Variants in BCL2L12 observed in about 807,000 individuals in gnomAD.
BCL2L12 encodes the protein bcl-2-like protein 12.
A neutral mutation model predicts 25.7 loss-of-function variants in BCL2L12; 27 were observed. The ratio of observed to expected loss-of-function variants is 1.05; its 90% CI spans 0.78 to 1.45. The LOEUF is 1.45. Ranked by LOEUF, BCL2L12 falls within the 40% of genes most tolerant of loss-of-function variation. The pLI is 0.00. For synonymous variants in BCL2L12, 132 were observed against 145.6 expected (o/e 0.91, Z 0.67); for missense variants, 302 against 329.8 (o/e 0.92, Z 0.65).
chr19:49,665,580 G>T, upstream of BCL2L12: 2 of 513,296 alleles, frequency 3.9e-6, no homozygotes, highest in South Asian at 2.5e-5. Flanking sequence ...CCTCTTTCCC[G>T]CTCCTCGCTC....
In BCL2L12 at chr19:49,672,545, G is replaced by A. The variant is rs189921358; in HGVS notation, c.703-1153G>A. Among the ~76,000 whole-genome samples the A allele has an allele frequency of 6.6e-6, 1 of 152,230 alleles. No individual in the cohort carries two copies. The highest frequency in any genetic ancestry group is 1.5e-5 in the Non-Finnish European group (1 of 68,048). ...TGCCTGGGGACAGACTGCTGGGGGC[G>A]AGGGCAGAAGTAGGGGCACAGGGAG... On this transcript the variant is annotated intron_variant, in intron 6 of 6. Transcript: ENST00000246784. This position sits in a 1 kb window ranked among gnomAD's most constrained non-coding sequence, Gnocchi z 4.1.
intron 3 of BCL2L12, among the ~76,000 whole-genome samples, chr19:49,667,369 TC>T (rs2081832181): frequency 6.6e-6 from 1 of 152,164 alleles, no homozygotes; most frequent in Admixed American, 6.5e-5. Flanking sequence ...GGTTGTTGTC[TC>T]TTTCCTTCCA....
chr19:49,667,981 C>T (rs1372158387), intron 3 of BCL2L12, among the ~76,000 whole-genome samples: 3 of 151,978 alleles, frequency 2.0e-5, no homozygotes, highest in Non-Finnish European at 2.9e-5. Context: ...GGTTTCGCCA[C>T]GTTGGCCAGG....
At position 49,666,750 on chromosome 19, in the gene BCL2L12, T is replaced by A. The variant is rs1198077435; in HGVS notation, c.58T>A (p.Phe20Ile). The change falls in exon 2 of 7, where the codon TTC (phenylalanine) becomes ATC (isoleucine). Residue 20 changes from phenylalanine to isoleucine, a missense_variant. Phe to Ile is a conservative substitution (Grantham distance 21). Transcript: ENST00000246784. ...REDTLRVLAA[F>I]LRRGEAAGSP... is the part of the protein sequence containing the mutation. ...AGACACGCTGAGGGTCCTAGCTGCCTTCCTTAGGCGTGGTGAGGCTGCCGG... is the reference window on the plus strand; with the variant it reads ...AGACACGCTGAGGGTCCTAGCTGCCATCCTTAGGCGTGGTGAGGCTGCCGG... 22 of 1,560,414 alleles carry A rather than the reference T, an allele frequency of 1.4e-5. No homozygotes were observed. The highest frequency in any genetic ancestry group is 1.9e-5 in the Non-Finnish European group (22 of 1,151,488).
intron 6 of BCL2L12, among the ~76,000 whole-genome samples, chr19:49,671,740 G>A (rs1265338699): frequency 1.3e-5 from 2 of 152,272 alleles, no homozygotes; most frequent in African/African-American, 4.8e-5. Flanking sequence ...CTGGCATGCA[G>A]GCATTTTGTT....
rs986838008 is a variant in BCL2L12, at chr19:49,666,683, A to G, written c.-8-2A>G. 12 of 1,549,832 alleles carry G rather than the reference A, an allele frequency of 7.7e-6. No homozygotes were observed. The African/African-American group carries it at 1.6e-4, about 21-fold the overall frequency. The stretch of plus-strand genomic sequence containing the variant: ...TCCAGTCCCTAACCCTCTCTCTCAC[A>G]GGTGCCTCCATGGCAGGCTCTGAAG... On this transcript the variant is annotated splice_acceptor_variant, in intron 1 of 6. Coordinates refer to ENST00000246784, the MANE Select transcript of BCL2L12 (RefSeq NM_138639.2). LOFTEE classifies it low-confidence loss of function (5UTR_SPLICE).
chr19:49,666,730 C>G lies in BCL2L12; in HGVS notation c.38C>G (p.Thr13Arg). The G allele has an allele frequency of 5.8e-6, 9 of 1,557,504 alleles. No homozygotes were observed. Among genetic ancestry groups the G allele is most frequent in the Non-Finnish European group, 7.8e-6 (9 of 1,149,960 alleles). The change falls in exon 2 of 7, where the codon ACG (threonine) becomes AGG (arginine). Residue 13 changes from threonine to arginine, a missense_variant. Transcript: ENST00000246784. ...GAAGAGCTGGGGCTCCGGGAAGACACGCTGAGGGTCCTAGCTGCCTTCCTT... is the reference window on the plus strand; with the variant it reads ...GAAGAGCTGGGGCTCCGGGAAGACAGGCTGAGGGTCCTAGCTGCCTTCCTT... ...GSEELGLRED[T>R]LRVLAAFLRR...
intron 2 of BCL2L12, 70 bp downstream of exon 2, chr19:49,666,869 T>G: frequency 6.6e-7 from 1 of 1,517,844 alleles, no homozygotes; most frequent in Admixed American, 2.0e-5. Context: ...GCTCCTGGTC[T>G]CAGTCTGTCT....
intron 3 of BCL2L12, among the ~76,000 whole-genome samples, chr19:49,668,092 C>CTTTTT (rs764611836): frequency 2.4e-5 from 3 of 125,390 alleles, no homozygotes; most frequent in Admixed American, 8.1e-5. Context: ...CTCTGACATT[C>CTTTTT]TTTTTTTTTT....
chr19:49,667,306 T>A, intron 3 of BCL2L12, 145 bp downstream of exon 3: 1 of 1,210,210 alleles, frequency 8.3e-7, no homozygotes, highest in African/African-American at 1.5e-5. Flanking sequence ...CCCTCCCCAG[T>A]TAGATTTCTG....
At chr19:49,665,286 C>T (rs2081626728), upstream of BCL2L12, 1 of 179,112 alleles carries the variant, frequency 5.6e-6, no homozygotes, top group African/African-American at 2.4e-5. Flanking sequence ...TCTCCCAAAA[C>T]ATTTCCAACA....
In BCL2L12 at chr19:49,666,665, C is replaced by T; in HGVS notation, c.-8-20C>T. 2 of 1,541,350 alleles carry T rather than the reference C, an allele frequency of 1.3e-6. No homozygotes were observed. Among genetic ancestry groups the T allele is most frequent in the East Asian group, 4.9e-5 (2 of 40,882 alleles). On this transcript the variant is annotated intron_variant, in intron 1 of 6. Transcript: ENST00000246784. Reference sequence around the variant, plus strand: ...CTTGCTAAACCCTTGGAGTCCAGTCCCTAACCCTCTCTCTCACAGGTGCCT... The same window carrying T: ...CTTGCTAAACCCTTGGAGTCCAGTCTCTAACCCTCTCTCTCACAGGTGCCT...
At chr19:49,665,841 G>T (rs145762717), upstream of BCL2L12, 2 of 1,598,286 alleles carry the variant, frequency 1.3e-6, no homozygotes, top group Admixed American at 1.7e-5. Flanking sequence ...GGCCCGCTGG[G>T]CTGTTCCCGC....
At chr19:49,665,727 C>A, upstream of BCL2L12, 2 of 1,468,170 alleles carry the variant, frequency 1.4e-6, no homozygotes, top group Admixed American at 4.4e-5. Flanking sequence ...CCCCCTTTCC[C>A]GTCAGCTGAG....
At chr19:49,665,631 C>T (rs2081683957), upstream of BCL2L12, 5 of 685,672 alleles carry the variant, frequency 7.3e-6, no homozygotes, top group South Asian at 8.0e-5. Flanking sequence ...TCCGCGTTAC[C>T]TACGATGGAA....
At chr19:49,665,932 C>T (rs777663072), upstream of BCL2L12, 3 of 1,613,844 alleles carry the variant, frequency 1.9e-6, no homozygotes, top group East Asian at 2.2e-5. Context: ...CAGCGTTCCG[C>T]CCTTTCTACG....
chr19:49,671,157 G>A (rs1673144525), intron 6 of BCL2L12, among the ~76,000 whole-genome samples: 3 of 136,944 alleles, frequency 2.2e-5, no homozygotes, highest in South Asian at 2.3e-4. Context: ...GTGAGACTGT[G>A]TCTCAACAAA....
chr19:49,669,793 C>T (rs2081914494), intron 5 of BCL2L12, among the ~76,000 whole-genome samples: 2 of 152,034 alleles, frequency 1.3e-5, no homozygotes, highest in Admixed American at 1.3e-4. Flanking sequence ...AATGTACTAC[C>T]AGAGGAGGTG....
intron 5 of BCL2L12, 113 bp from the exon 6 acceptor site, chr19:49,670,103 C>A: frequency 1.4e-6 from 2 of 1,390,438 alleles, no homozygotes; most frequent in Non-Finnish European, 1.9e-6. Flanking sequence ...GAGGGGTGGC[C>A]TAGAACCTTA....
Sources: gnomAD v4.1 joint callset for allele counts (sites outside exome capture counted in the v4.1 genomes callset) on GRCh38, gnomAD v4.1.1 for gene constraint, Gnocchi (gnomAD v3.1) non-coding constraint, MANE v1.5 for transcripts, NCBI Gene and HGNC (gene_info 2026-07-23, HGNC 2026-07-21) for gene names.